The following SLC35F4 variants were observed in gnomAD, a reference collection of about 807,000 sequenced individuals.
SLC35F4 encodes the protein solute carrier family 35 member F4.
Under a neutral mutation model 44.2 loss-of-function variants are expected in SLC35F4, and 24 were observed. That is an observed-to-expected ratio of 0.54 (90% confidence interval 0.39 to 0.76). The LOEUF is 0.76. Among genes scored for constraint, SLC35F4 ranks in the 30% least tolerant of loss-of-function variants. The probability of loss-of-function intolerance (pLI) is 0.00; values close to 1 mark genes in which losing one functional copy is unlikely to be tolerated. For missense variants in SLC35F4, 562 were observed against 586.1 expected (o/e 0.96, Z 0.42); for synonymous variants, 238 against 223.6 (o/e 1.06, Z -0.57).
At chr14:57,706,849 A>G (rs2075689116) in intron 1 of SLC35F4, among the ~76,000 whole-genome samples, 1 of 152,198 alleles carries the variant, frequency 6.6e-6, no homozygotes, top group South Asian at 2.1e-4. Context: ...CAAGTCAAGA[A>G]TGTGAATTTT....
At chr14:57,763,598 G>C (rs1184507395) in intron 1 of SLC35F4, among the ~76,000 whole-genome samples, 1 of 152,082 alleles carries the variant, frequency 6.6e-6, no homozygotes, top group Non-Finnish European at 1.5e-5. Flanking sequence ...TGCCTAGAAA[G>C]AACTTAAAGT....
chr14:57,570,008 A>G (rs376912146), intron 5 of SLC35F4, 28 bp from the exon 6 acceptor site: 476 of 1,560,646 alleles, frequency 3.1e-4, no homozygotes, highest in Non-Finnish European at 3.9e-4. Context: ...CTCTACAGCC[A>G]CACAGAAACT....
intron 1 of SLC35F4, among the ~76,000 whole-genome samples, chr14:57,950,362 T>C (rs184201753): frequency 6.6e-6 from 1 of 152,278 alleles, no homozygotes; most frequent in Admixed American, 6.5e-5. Context: ...CGTGTGTCTT[T>C]CATTTCCAGA....
At chr14:57,933,355 G>A (rs533620067) in intron 1 of SLC35F4, among the ~76,000 whole-genome samples, 127 of 152,214 alleles carry the variant, frequency 8.3e-4, no homozygotes, top group African/African-American at 3.0e-3. Context: ...AGCAAGTTTG[G>A]TGTCTCATCC....
intron 1 of SLC35F4, among the ~76,000 whole-genome samples, chr14:57,920,684 G>T (rs1218259172): frequency 2.0e-5 from 3 of 152,210 alleles, no homozygotes; most frequent in African/African-American, 7.2e-5. Flanking sequence ...TAACTAATGA[G>T]CAGCCTTGGC....
chr14:57,574,756 A>AG (rs1173380274), intron 4 of SLC35F4, among the ~76,000 whole-genome samples: 1 of 152,224 alleles, frequency 6.6e-6, no homozygotes, highest in Admixed American at 6.5e-5. Context: ...GGGTGATCTC[A>AG]GAATGGCTCT....
chr14:57,564,790 T>C (rs1048397308), intron 7 of SLC35F4, among the ~76,000 whole-genome samples: 1 of 152,224 alleles, frequency 6.6e-6, no homozygotes, highest in Non-Finnish European at 1.5e-5. Context: ...AAAGTGGACT[T>C]AGTGGCACTT....
chr14:57,967,371 T>A (rs1441842512), intron 1 of SLC35F4, among the ~76,000 whole-genome samples: 1 of 152,188 alleles, frequency 6.6e-6, no homozygotes, highest in Non-Finnish European at 1.5e-5. Context: ...CTGATTGCAG[T>A]TTGTAATATA....
chr14:57,936,334 T>C (rs923475513), intron 1 of SLC35F4, among the ~76,000 whole-genome samples: 2 of 152,308 alleles, frequency 1.3e-5, no homozygotes, highest in East Asian at 3.9e-4. Context: ...AATATAAACA[T>C]ATCGTGACAA....
intron 1 of SLC35F4, among the ~76,000 whole-genome samples, chr14:57,774,698 C>A (rs2077446632): frequency 6.6e-6 from 1 of 152,198 alleles, no homozygotes; most frequent in African/African-American, 2.4e-5. Context: ...TGCTGGTGGA[C>A]TGCACCTGAC....
downstream of SLC35F4, among the ~76,000 whole-genome samples, chr14:57,972,964 T>C (rs901984738): frequency 7.9e-5 from 12 of 152,234 alleles, no homozygotes; most frequent in Non-Finnish European, 1.6e-4. Flanking sequence ...CTGATCTTAA[T>C]GCTTTGCATA....
At chr14:57,744,202 CAT>C (rs1303173151) in intron 1 of SLC35F4, among the ~76,000 whole-genome samples, 1 of 152,178 alleles carries the variant, frequency 6.6e-6, no homozygotes. Context: ...TCCTATTCAA[CAT>C]AGTGTTGGAA....
intron 1 of SLC35F4, among the ~76,000 whole-genome samples, chr14:57,732,994 C>A (rs537630870): frequency 6.6e-6 from 1 of 151,982 alleles, no homozygotes; most frequent in South Asian, 2.1e-4. Context: ...TTAAAGGTGA[C>A]AGGAAGGGCA....
intron 1 of SLC35F4, among the ~76,000 whole-genome samples, chr14:57,896,180 G>C (rs1888865176): frequency 6.6e-6 from 1 of 152,114 alleles, no homozygotes; most frequent in African/African-American, 2.4e-5. Context: ...ATGCCAGTAG[G>C]CCAATTAAGG....
chr14:57,960,296 G>A (rs1181697528), intron 1 of SLC35F4, among the ~76,000 whole-genome samples: 3 of 152,126 alleles, frequency 2.0e-5, no homozygotes, highest in African/African-American at 7.2e-5. Context: ...AGAAGGACCA[G>A]TGGCCTGGGA....
At chr14:57,890,109 G>A (rs1183275141) in intron 1 of SLC35F4, among the ~76,000 whole-genome samples, 1 of 152,206 alleles carries the variant, frequency 6.6e-6, no homozygotes, top group Non-Finnish European at 1.5e-5. Flanking sequence ...AACATCAACA[G>A]ATGAGATGTA....
intron 4 of SLC35F4, among the ~76,000 whole-genome samples, chr14:57,573,640 C>T (rs1242300374): frequency 3.3e-5 from 5 of 152,012 alleles, no homozygotes; most frequent in Non-Finnish European, 5.9e-5. Flanking sequence ...CCTGGAAATT[C>T]TATGAGGGTT....
intron 1 of SLC35F4, among the ~76,000 whole-genome samples, chr14:57,641,054 A>G (rs928782419): frequency 1.3e-5 from 2 of 151,974 alleles, no homozygotes; most frequent in African/African-American, 4.8e-5. Context: ...TTACCACACG[A>G]AAGTGAAAAT....
intron 1 of SLC35F4, among the ~76,000 whole-genome samples, chr14:57,790,345 A>T (rs1248589076): frequency 2.0e-5 from 3 of 152,180 alleles, no homozygotes; most frequent in Non-Finnish European, 2.9e-5. Flanking sequence ...CCTATACAAC[A>T]ATAATAGAGA....
Sources: gnomAD v4.1 joint callset for allele counts (sites outside exome capture counted in the v4.1 genomes callset) on GRCh38, gnomAD v4.1.1 for gene constraint, MANE v1.5 for transcripts, NCBI Gene and HGNC (gene_info 2026-07-23, HGNC 2026-07-21) for gene names.